PTPRM: variants seen among roughly 807,000 people sequenced by gnomAD.
PTPRM encodes the protein protein tyrosine phosphatase receptor type M.
Under a neutral mutation model 186.7 loss-of-function variants are expected in PTPRM, and 47 were observed. The observed-to-expected ratio is 0.25, with a 90% CI of 0.20 to 0.32. PTPRM has a LOEUF of 0.32. Ranked by LOEUF, PTPRM falls within the 10% of genes least tolerant of loss-of-function variation. The pLI is 1.00. For missense variants in PTPRM, 1,494 were observed against 1,865.0 expected (o/e 0.80, Z 3.66); for synonymous variants, 668 against 674.9 (o/e 0.99, Z 0.16).
At chr18:8,367,790 T>G (rs752357070) in intron 23 of PTPRM, among the ~76,000 whole-genome samples, 81 of 152,374 alleles carry the variant, frequency 5.3e-4, no homozygotes, top group Non-Finnish European at 9.4e-4. Flanking sequence ...TTCCCTCATT[T>G]CTGAGCACTG....
intron 1 of PTPRM, among the ~76,000 whole-genome samples, chr18:7,706,616 A>AC (rs1406687423): frequency 1.3e-5 from 2 of 149,416 alleles, no homozygotes; most frequent in Non-Finnish European, 3.0e-5. Context: ...AAAAAAAAAA[A>AC]AAAAAAAAAA....
intron 2 of PTPRM, among the ~76,000 whole-genome samples, chr18:7,782,479 C>T (rs1385747945): frequency 6.6e-6 from 1 of 152,236 alleles, no homozygotes; most frequent in Non-Finnish European, 1.5e-5. Flanking sequence ...TTTAAGTGTA[C>T]AGTTCAGTGC....
intron 14 of PTPRM, among the ~76,000 whole-genome samples, chr18:8,222,925 A>G (rs1432442278): frequency 1.3e-5 from 2 of 152,100 alleles, no homozygotes; most frequent in Non-Finnish European, 2.9e-5. Context: ...CCCCATCTCA[A>G]AAATAGATAA....
intron 2 of PTPRM, among the ~76,000 whole-genome samples, chr18:7,779,680 G>A (rs1182635225): frequency 6.6e-6 from 1 of 152,144 alleles, no homozygotes; most frequent in African/African-American, 2.4e-5. Flanking sequence ...AGATGACGGT[G>A]GGCTTGAAGA....
At chr18:7,619,602 G>A (rs2037888190) in intron 1 of PTPRM, among the ~76,000 whole-genome samples, 1 of 152,104 alleles carries the variant, frequency 6.6e-6, no homozygotes, top group Non-Finnish European at 1.5e-5. Flanking sequence ...AAGACACAGG[G>A]GAGAAGTAGT....
At chr18:7,758,281 G>A (rs1327652487) in intron 1 of PTPRM, among the ~76,000 whole-genome samples, 1 of 152,208 alleles carries the variant, frequency 6.6e-6, no homozygotes, top group South Asian at 2.1e-4. Flanking sequence ...GCTCTTCAAA[G>A]TTTCAGAACC....
At chr18:7,723,933 G>A (rs1265730713) in intron 1 of PTPRM, among the ~76,000 whole-genome samples, 1 of 152,084 alleles carries the variant, frequency 6.6e-6, no homozygotes, top group Non-Finnish European at 1.5e-5. Flanking sequence ...ATATCTTTCA[G>A]TGATTGAAAT....
intron 5 of PTPRM, among the ~76,000 whole-genome samples, chr18:7,946,003 G>A (rs1443251378): frequency 6.6e-6 from 1 of 152,124 alleles, no homozygotes; most frequent in African/African-American, 2.4e-5. Context: ...TTAAGTACAG[G>A]AGTTAAAAAT....
intron 1 of PTPRM, among the ~76,000 whole-genome samples, chr18:7,618,922 A>G (rs2037872255): frequency 6.6e-6 from 1 of 152,166 alleles, no homozygotes. Context: ...ATTCTTTTTT[A>G]CCTTGGGAGA....
intron 11 of PTPRM, among the ~76,000 whole-genome samples, chr18:8,109,282 G>C (rs2091657113): frequency 6.6e-6 from 1 of 152,194 alleles, no homozygotes; most frequent in African/African-American, 2.4e-5. Context: ...TAGCACTTGG[G>C]CTTTGATAAA....
At chr18:8,045,379 C>A (rs2086975797) in intron 7 of PTPRM, among the ~76,000 whole-genome samples, 1 of 152,144 alleles carries the variant, frequency 6.6e-6, no homozygotes, top group Non-Finnish European at 1.5e-5. Context: ...TTCACAGCAA[C>A]ATTTGTCATA....
At chr18:7,590,063 A>C (rs1395977396) in intron 1 of PTPRM, among the ~76,000 whole-genome samples, 1 of 152,146 alleles carries the variant, frequency 6.6e-6, no homozygotes, top group African/African-American at 2.4e-5. Context: ...ACAATGGTTA[A>C]ATTGTTGGTT....
intron 19 of PTPRM, among the ~76,000 whole-genome samples, chr18:8,265,996 T>G (rs1324410241): frequency 2.0e-5 from 3 of 152,016 alleles, no homozygotes; most frequent in African/African-American, 7.2e-5. Flanking sequence ...CACAGGCACT[T>G]CTCTGGTTCT....
intron 1 of PTPRM, among the ~76,000 whole-genome samples, chr18:7,709,585 C>A (rs2040168896): frequency 1.3e-5 from 2 of 151,086 alleles, no homozygotes; most frequent in Admixed American, 6.6e-5. Context: ...AAATTGAAAC[C>A]AAAAAAATAC....
intron 7 of PTPRM, among the ~76,000 whole-genome samples, chr18:8,003,109 C>T (rs1323295858): frequency 1.3e-5 from 2 of 152,154 alleles, no homozygotes; most frequent in Non-Finnish European, 2.9e-5. Flanking sequence ...GCAGTGTCCC[C>T]ACCCAAATCT....
chr18:7,578,304 T>C (rs1179088963), intron 1 of PTPRM, among the ~76,000 whole-genome samples: 1 of 150,554 alleles, frequency 6.6e-6, no homozygotes, highest in Non-Finnish European at 1.5e-5. Context: ...GTTGGGAGCA[T>C]AGGTGCATCA....
chr18:7,897,063 A>G (rs2049399078), intron 3 of PTPRM, among the ~76,000 whole-genome samples: 1 of 152,148 alleles, frequency 6.6e-6, no homozygotes, highest in South Asian at 2.1e-4. Flanking sequence ...TCTTTTCTAG[A>G]TTGTGTTCCA....
chr18:8,232,780 C>T (rs756846476), intron 14 of PTPRM, among the ~76,000 whole-genome samples: 1 of 152,056 alleles, frequency 6.6e-6, no homozygotes, highest in Non-Finnish European at 1.5e-5. Context: ...AGAGGACGAA[C>T]GTGGGAATAG....
chr18:8,349,157 A>G (rs978272262), intron 23 of PTPRM, among the ~76,000 whole-genome samples: 1 of 152,234 alleles, frequency 6.6e-6, no homozygotes, highest in East Asian at 1.9e-4. Flanking sequence ...CACAGCCAAG[A>G]AAAAAACATC....
Sources: allele counts gnomAD v4.1 joint callset (sites outside exome capture counted in the v4.1 genomes callset), GRCh38; gene constraint gnomAD v4.1.1; transcripts MANE v1.5; gene names NCBI Gene and HGNC (gene_info 2026-07-23, HGNC 2026-07-21).